SRSF4: variants seen among roughly 807,000 people sequenced by gnomAD.
SRSF4 encodes the protein serine/arginine-rich splicing factor 4.
In SRSF4, 12 loss-of-function variants were observed where a neutral mutation model predicts 48.8. That is an observed-to-expected ratio of 0.25 (90% CI 0.16 to 0.40). The LOEUF (loss-of-function observed/expected upper bound fraction) is 0.40. SRSF4 is among the 10% of genes least tolerant of loss of function. SRSF4 has a pLI of 1.00. For missense variants in SRSF4, 466 were observed against 667.1 expected (o/e 0.70, Z 3.32); for synonymous variants, 248 against 232.5 (o/e 1.07, Z -0.61).
intron 1 of SRSF4, among the ~76,000 whole-genome samples, chr1:29,176,716 G>A (rs113084120): frequency 3.9e-5 from 6 of 152,066 alleles, no homozygotes; most frequent in African/African-American, 1.4e-4. Context: ...TGCCTCACTC[G>A]AAGAGTCTTG....
At chr1:29,155,264 T>C (rs1172721450) in intron 3 of SRSF4, among the ~76,000 whole-genome samples, 1 of 152,000 alleles carries the variant, frequency 6.6e-6, no homozygotes, top group Non-Finnish European at 1.5e-5. Flanking sequence ...ACCCTATCTC[T>C]ACAAAAATTG....
At position 29,148,732 on chromosome 1, in the gene SRSF4, G is replaced by T. The variant is rs753305975; in HGVS notation, c.1163C>A (p.Ala388Glu). Residue 388 changes from alanine (A) to glutamate (E), a missense_variant, in exon 6 of 6, where the codon GCG (alanine) becomes GAG (glutamate). Ala to Glu is a moderately radical substitution (Grantham distance 107, BLOSUM62 -1). Coordinates refer to ENST00000373795, the MANE Select transcript of SRSF4 (RefSeq NM_005626.5). Reference sequence around the variant, plus strand: ...CTTCTTCTTCTTCTTGCTGCTGCCCGCCTTGCTGTCTCGCTTGCTGCCTCG... The same window carrying T: ...CTTCTTCTTCTTCTTGCTGCTGCCCTCCTTGCTGTCTCGCTTGCTGCCTCG... ...RKRGSKRDSK[A>E]GSSKKKKKED... is the part of the protein sequence containing the mutation. 1 of 1,613,640 alleles carries T rather than the reference G, an allele frequency of 6.2e-7. No individual in the cohort carries two copies. Among genetic ancestry groups the T allele is most frequent in the South Asian group, 1.1e-5 (1 of 91,074 alleles).
At chr1:29,181,232 A>G (rs961374432) in intron 1 of SRSF4, among the ~76,000 whole-genome samples, 3 of 152,202 alleles carry the variant, frequency 2.0e-5, no homozygotes, top group African/African-American at 4.8e-5. Context: ...AAGAGGTGAA[A>G]GGGAGCAGGA....
chr1:29,149,383 A>G (rs370088579), intron 5 of SRSF4, among the ~76,000 whole-genome samples, 157 bp from the exon 6 acceptor site: 4 of 152,194 alleles, frequency 2.6e-5, no homozygotes, highest in African/African-American at 9.6e-5. Context: ...AATGCCAATC[A>G]GAAGCTGGAA....
At chr1:29,181,588 T>A in intron 1 of SRSF4, 58 bp downstream of exon 1, 1 of 1,414,368 alleles carries the variant, frequency 7.1e-7, no homozygotes, top group Non-Finnish European at 9.6e-7. Flanking sequence ...CCCCGCGGCC[T>A]CCCCACCACC....
chr1:29,177,410 T>C (rs534901456), intron 1 of SRSF4, among the ~76,000 whole-genome samples: 5 of 151,912 alleles, frequency 3.3e-5, no homozygotes, highest in South Asian at 2.1e-4. Context: ...GCCTCCCGAG[T>C]AGCCAGGATT....
intron 1 of SRSF4, among the ~76,000 whole-genome samples, chr1:29,176,021 G>A (rs1282506717): frequency 1.3e-5 from 2 of 152,136 alleles, no homozygotes; most frequent in Non-Finnish European, 2.9e-5. Flanking sequence ...GGGAGGCCGA[G>A]GCAGGTGGAT....
intron 1 of SRSF4, chr1:29,169,350 G>C (rs1400228080): frequency 6.6e-6 from 1 of 152,226 alleles, no homozygotes; most frequent in African/African-American, 2.4e-5. Flanking sequence ...CAGAGTTGGA[G>C]AAACACAAGC....
intron 1 of SRSF4, among the ~76,000 whole-genome samples, chr1:29,164,671 T>C (rs1672644178): frequency 6.6e-6 from 1 of 152,094 alleles, no homozygotes; most frequent in Non-Finnish European, 1.5e-5. Flanking sequence ...CAATAATTCA[T>C]AGGATGCAGG....
intron 2 of SRSF4, 131 bp downstream of exon 2, chr1:29,160,244 A>T: frequency 1.8e-6 from 2 of 1,109,202 alleles, no homozygotes; most frequent in Non-Finnish European, 2.4e-6. Context: ...CTACATTTTT[A>T]AAAAAGATAC....
intron 4 of SRSF4, chr1:29,154,402 G>T: frequency 3.0e-6 from 1 of 334,890 alleles, no homozygotes; most frequent in Non-Finnish European, 5.5e-6. Context: ...TCACCATATT[G>T]GTCAGGCTGG....
At chr1:29,175,462 G>C (rs904771426) in intron 1 of SRSF4, among the ~76,000 whole-genome samples, 1 of 151,258 alleles carries the variant, frequency 6.6e-6, no homozygotes, top group Admixed American at 6.6e-5. Flanking sequence ...TTGGGAGGCC[G>C]AGGCGGGTGG....
intron 1 of SRSF4, among the ~76,000 whole-genome samples, chr1:29,175,839 TTAGA>T (rs1222935966): frequency 8.5e-5 from 13 of 152,180 alleles, no homozygotes; most frequent in Non-Finnish European, 1.8e-4. Flanking sequence ...TAACCTCTTC[TTAGA>T]TAATCCTAAA....
At chr1:29,149,420 C>A (rs915002728) in intron 5 of SRSF4, among the ~76,000 whole-genome samples, 194 bp from the exon 6 acceptor site, 1 of 152,166 alleles carries the variant, frequency 6.6e-6, no homozygotes, top group Admixed American at 6.5e-5. Context: ...GCGGCTCATG[C>A]CCATAATCCC....
At chr1:29,154,059 A>AT (rs893245992) in intron 4 of SRSF4, among the ~76,000 whole-genome samples, 86 of 135,998 alleles carry the variant, frequency 6.3e-4, no homozygotes, top group East Asian at 5.7e-3. Context: ...CCACCACACC[A>AT]TTTTTTTTTT....
intron 1 of SRSF4, among the ~76,000 whole-genome samples, chr1:29,174,691 T>C (rs951741963): frequency 1.3e-5 from 2 of 150,460 alleles, no homozygotes; most frequent in African/African-American, 4.9e-5. Flanking sequence ...TTTTTTTTTT[T>C]TTTGATGGAG....
chr1:29,149,856 C>T (rs1300448180), intron 5 of SRSF4, among the ~76,000 whole-genome samples: 1 of 151,706 alleles, frequency 6.6e-6, no homozygotes, highest in Non-Finnish European at 1.5e-5. Context: ...TAGTGAGACC[C>T]TGTCTCTAAA....
At chr1:29,181,134 C>A (rs904626150) in intron 1 of SRSF4, among the ~76,000 whole-genome samples, 79 of 152,346 alleles carry the variant, frequency 5.2e-4, no homozygotes, top group Non-Finnish European at 1.8e-4. Flanking sequence ...CCCAAAAAAG[C>A]GTGGCACACG....
chr1:29,160,262 A>T, intron 2 of SRSF4, 113 bp downstream of exon 2: 1 of 1,252,288 alleles, frequency 8.0e-7, no homozygotes, highest in Non-Finnish European at 1.1e-6. Flanking sequence ...TACATAATTT[A>T]CAAAATAGCT....
Sources: allele counts gnomAD v4.1 joint callset (sites outside exome capture counted in the v4.1 genomes callset), GRCh38; gene constraint gnomAD v4.1.1; transcripts MANE v1.5; gene names NCBI Gene and HGNC (gene_info 2026-07-23, HGNC 2026-07-21).